The following CDK7 variants were observed in gnomAD, a reference collection of about 807,000 sequenced individuals.
CDK7 encodes the protein cyclin dependent kinase 7, also known as cyclin-dependent kinase 7.
A neutral mutation model predicts 49.1 loss-of-function variants in CDK7; 25 were observed. The observed-to-expected ratio is 0.51, with a 90% CI of 0.37 to 0.71. The LOEUF (loss-of-function observed/expected upper bound fraction) is 0.71, where lower values mean the gene tolerates loss of function less well. Among genes scored for constraint, CDK7 ranks in the 30% least tolerant of loss-of-function variants. The pLI, the probability that CDK7 is intolerant of heterozygous loss-of-function variation, is 0.00. For missense variants in CDK7, 316 were observed against 411.7 expected (o/e 0.77, Z 2.01); for synonymous variants, 107 against 140.0 (o/e 0.76, Z 1.67).
chr5:69,276,230 C>T (rs1561382280), intron 10 of CDK7, among the ~76,000 whole-genome samples: 1 of 151,976 alleles, frequency 6.6e-6, no homozygotes, highest in Non-Finnish European at 1.5e-5. Context: ...AGTTTCGCCA[C>T]GTTGGCCAAG....
intron 5 of CDK7, among the ~76,000 whole-genome samples, chr5:69,256,803 A>G (rs1010864223): frequency 6.6e-6 from 1 of 152,094 alleles, no homozygotes; most frequent in Admixed American, 6.6e-5. Flanking sequence ...CCACTAGGCT[A>G]TGGATTGCAC....
chr5:69,250,648 A>G (rs1007837391), intron 2 of CDK7: 1 of 453,974 alleles, frequency 2.2e-6, no homozygotes, highest in Non-Finnish European at 4.4e-6. Context: ...CATGGACCCT[A>G]GTAGCCCACC....
At chr5:69,277,075 C>CTTT in intron 11 of CDK7, 32 bp from the exon 12 acceptor site, 1 of 1,437,740 alleles carries the variant, frequency 7.0e-7, no homozygotes, top group Non-Finnish European at 9.4e-7. Context: ...ATGTGAACAA[C>CTTT]TTTTTTTTTT....
rs1422617581 is a variant in CDK7 at position 69,276,634 on chromosome 5, A to C, written c.956A>C (p.Glu319Ala). Residue 319 changes from glutamate (E) to alanine (A), a missense_variant, in exon 11 of 12, where the codon GAG (glutamate) becomes GCG (alanine). Glu to Ala is a moderately radical substitution (Grantham distance 107). Coordinates refer to ENST00000256443, the MANE Select transcript of CDK7 (RefSeq NM_001799.4). ...RPNCPVETLK[E>A]QSNPALAIKR... is the part of the protein sequence containing the mutation. Reference sequence around the variant, plus strand: ...AACTGTCCAGTGGAAACCTTAAAGGAGCAATCAAATCCAGCTTTGGCAATA... The same window carrying C: ...AACTGTCCAGTGGAAACCTTAAAGGCGCAATCAAATCCAGCTTTGGCAATA... The C allele has an allele frequency of 6.2e-7, 1 of 1,614,176 alleles. No homozygotes were observed. Among genetic ancestry groups the C allele is most frequent in the East Asian group, 2.2e-5 (1 of 44,890 alleles).
chr5:69,249,983 A>G (rs1484507894), intron 2 of CDK7, among the ~76,000 whole-genome samples: 1 of 152,158 alleles, frequency 6.6e-6, no homozygotes, highest in Admixed American at 6.5e-5. Context: ...TCTCTGTGTT[A>G]TCTTGAATTT....
chr5:69,247,294 AT>A (rs1284475074), intron 2 of CDK7, among the ~76,000 whole-genome samples: 4 of 152,234 alleles, frequency 2.6e-5, no homozygotes, highest in Admixed American at 1.3e-4. Context: ...TATATTTTCA[AT>A]TTTTATATCC....
At chr5:69,244,681 A>G (rs1404512130) in intron 2 of CDK7, among the ~76,000 whole-genome samples, 2 of 151,864 alleles carry the variant, frequency 1.3e-5, no homozygotes, top group Non-Finnish European at 2.9e-5. Flanking sequence ...ACAAACAAGA[A>G]GAATTTCACT....
intron 9 of CDK7, among the ~76,000 whole-genome samples, chr5:69,271,709 T>C (rs563632627): frequency 6.6e-6 from 1 of 152,010 alleles, no homozygotes; most frequent in African/African-American, 2.4e-5. Context: ...ACAGGGTTTC[T>C]GCATGTTTCC....
intron 9 of CDK7, among the ~76,000 whole-genome samples, chr5:69,272,165 T>G (rs935612300): frequency 1.5e-4 from 23 of 152,208 alleles, no homozygotes; most frequent in African/African-American, 5.5e-4. Context: ...TTCATTGATT[T>G]AGTTTTTCAC....
chr5:69,262,768 A>G (rs993106251), intron 8 of CDK7, among the ~76,000 whole-genome samples: 1 of 152,184 alleles, frequency 6.6e-6, no homozygotes, highest in Non-Finnish European at 1.5e-5. Flanking sequence ...AAAAAGCCAA[A>G]TGTAGCATTT....
intron 8 of CDK7, among the ~76,000 whole-genome samples, chr5:69,268,668 C>T (rs1380313932): frequency 2.0e-5 from 3 of 151,118 alleles, no homozygotes; most frequent in African/African-American, 4.9e-5. Context: ...CTGGCTAACA[C>T]GGTGAAACCC....
rs772450221 is a variant in CDK7, at chr5:69,277,162, C to T, written c.*27C>T. ...GAGAACACTGGACAACATTTTACTACTGAGGGAAATAGCCAAAAAGGCAAA... is the reference window on the plus strand; with the variant it reads ...GAGAACACTGGACAACATTTTACTATTGAGGGAAATAGCCAAAAAGGCAAA... On this transcript the variant is annotated 3_prime_UTR_variant, in exon 12 of 12. Coordinates refer to ENST00000256443, the MANE Select transcript of CDK7 (RefSeq NM_001799.4). The T allele has an allele frequency of 6.4e-7, 1 of 1,558,968 alleles. No homozygotes were observed. Among genetic ancestry groups the T allele is most frequent in the East Asian group, 2.3e-5 (1 of 43,656 alleles).
Position 69,277,149 on chromosome 5 carries a change from C to A in CDK7, c.*14C>A. On this transcript the variant is annotated 3_prime_UTR_variant, in exon 12 of 12. Coordinates refer to ENST00000256443, the MANE Select transcript of CDK7 (RefSeq NM_001799.4). ...CTAATTTTTTAAAGAGAACACTGGA[C>A]AACATTTTACTACTGAGGGAAATAG... 1.3e-6 allele frequency: 2 copies of A among 1,583,484 alleles called. No homozygotes were observed. The highest frequency in any genetic ancestry group is 1.4e-5 in the African/African-American group (1 of 73,746).
intron 3 of CDK7, 28 bp downstream of exon 3, chr5:69,252,479 A>G (rs373593975): frequency 3.5e-5 from 32 of 915,158 alleles, no homozygotes; most frequent in Non-Finnish European, 5.0e-5. Context: ...TCTGACAGAT[A>G]GGAAAAGTTT....
chr5:69,254,553 G>C (rs760585607), intron 3 of CDK7, 49 bp from the exon 4 acceptor site: 1 of 850,842 alleles, frequency 1.2e-6, no homozygotes, highest in Non-Finnish European at 2.0e-6. Flanking sequence ...GTGTTTGTAA[G>C]GTTTGAGATT....
At chr5:69,243,395 TGTC>T (rs2150187313) in intron 2 of CDK7, among the ~76,000 whole-genome samples, 1 of 152,316 alleles carries the variant, frequency 6.6e-6, no homozygotes, top group East Asian at 1.9e-4. Flanking sequence ...TTGAAGAAAC[TGTC>T]TTTTCCTCAT....
intron 3 of CDK7, among the ~76,000 whole-genome samples, chr5:69,253,885 G>A (rs1297666918): frequency 6.6e-6 from 1 of 151,860 alleles, no homozygotes; most frequent in Non-Finnish European, 1.5e-5. Flanking sequence ...GATCGCCTGA[G>A]CTCAGGAGTT....
In CDK7 at chr5:69,276,971, T is replaced by C. The variant is rs972816512; in HGVS notation, c.1013-136T>C. 8.0e-6 allele frequency: 6 copies of C among 745,644 alleles called. No homozygotes were observed. The Admixed American group carries it at 1.2e-4, about 15-fold the overall frequency. The allele number at this position is 745,644 out of a possible 1,614,324, so 46.2% of individuals were successfully genotyped here. A position where few individuals can be genotyped will look rare whatever the true frequency, so the allele number is the denominator to read the frequency against. Reference sequence around the variant, plus strand: ...TTCTGTAAACTACATGCTAAATGTTTAACAAGTGCTACTGGAAAAAATGTG... The same window carrying C: ...TTCTGTAAACTACATGCTAAATGTTCAACAAGTGCTACTGGAAAAAATGTG... On this transcript the variant is annotated intron_variant, in intron 11 of 11. Coordinates refer to ENST00000256443, the MANE Select transcript of CDK7 (RefSeq NM_001799.4).
intron 7 of CDK7, among the ~76,000 whole-genome samples, chr5:69,260,207 G>A (rs1048225754): frequency 9.9e-5 from 15 of 152,100 alleles, no homozygotes; most frequent in Admixed American, 7.9e-4. Flanking sequence ...AGAATTAGCT[G>A]GGCATGGTGG....
Sources: gnomAD v4.1 joint callset for allele counts (sites outside exome capture counted in the v4.1 genomes callset) on GRCh38, gnomAD v4.1.1 for gene constraint, MANE v1.5 for transcripts, NCBI Gene and HGNC (gene_info 2026-07-23, HGNC 2026-07-21) for gene names.